Variants in MACROD2 observed in about 807,000 individuals in gnomAD.
MACROD2 encodes the protein mono-ADP ribosylhydrolase 2.
Under a neutral mutation model 70.4 loss-of-function variants are expected in MACROD2, and 36 were observed. The ratio of observed to expected loss-of-function variants is 0.51; its 90% confidence interval spans 0.39 to 0.68. The LOEUF (loss-of-function observed/expected upper bound fraction) is 0.68, where lower values mean the gene tolerates loss of function less well. MACROD2 is among the 30% of genes least tolerant of loss of function. The pLI is 0.00. For missense variants in MACROD2, 496 were observed against 538.4 expected (o/e 0.92, Z 0.78); for synonymous variants, 172 against 178.8 (o/e 0.96, Z 0.30).
Position 16,049,874 on chromosome 20 carries a change from T to A in MACROD2, c.1345T>A (p.Ter449ArgextTer18), listed in dbSNP as rs146842863. 6.3e-7 allele frequency: 1 copy of A among 1,581,782 alleles called. No homozygotes were observed. Among genetic ancestry groups the A allele is most frequent in the Non-Finnish European group, 8.6e-7 (1 of 1,164,278 alleles). ...GAAGGAACAAAGAAATGGAACTAAA[T>A]GACAATCCTCAGCATCGCAAGGCCT... ...EAKEQRNGTK* is the reference protein window; with the variant it reads ...EAKEQRNGTKR The change falls in exon 18 of 18, where the codon TGA becomes AGA. Residue 449 changes from the stop codon to arginine (R), a stop_lost. Coordinates refer to ENST00000684519, the MANE Select transcript of MACROD2 (RefSeq NM_001351661.2).
At chr20:14,580,101 G>A (rs1325256473) in intron 4 of MACROD2, among the ~76,000 whole-genome samples, 1 of 152,082 alleles carries the variant, frequency 6.6e-6, no homozygotes, top group African/African-American at 2.4e-5. Flanking sequence ...GTTGATTAGA[G>A]GTCTTCTTCA....
At chr20:16,020,227 T>C (rs2147550717) in intron 15 of MACROD2, among the ~76,000 whole-genome samples, 1 of 152,206 alleles carries the variant, frequency 6.6e-6, no homozygotes, top group Middle Eastern at 3.4e-3. Context: ...CCAGCCGTCT[T>C]AAACTATTAC....
At chr20:14,578,277 C>T (rs541155672) in intron 4 of MACROD2, among the ~76,000 whole-genome samples, 1 of 151,546 alleles carries the variant, frequency 6.6e-6, no homozygotes, top group African/African-American at 2.4e-5. Context: ...ATTTTAAATG[C>T]CTTTATTTTT....
chr20:14,968,113 A>G (rs1432077616), intron 5 of MACROD2, among the ~76,000 whole-genome samples: 1 of 152,168 alleles, frequency 6.6e-6, no homozygotes, highest in African/African-American at 2.4e-5. Context: ...TTCTTTGTGT[A>G]TAAAGTCTTT....
At chr20:15,241,605 T>C (rs2077060024) in intron 6 of MACROD2, among the ~76,000 whole-genome samples, 1 of 152,098 alleles carries the variant, frequency 6.6e-6, no homozygotes, top group South Asian at 2.1e-4. Flanking sequence ...GATCATGTTT[T>C]ATTGGGCAGT....
At position 14,251,274 on chromosome 20, in the gene MACROD2, A is replaced by T. The variant is rs892693999; in HGVS notation, c.271+165546A>T. Among the ~76,000 whole-genome samples, 4 of 152,260 alleles carry T rather than the reference A, an allele frequency of 2.6e-5. No individual in the cohort carries two copies. In the East Asian group the frequency reaches 7.7e-4, roughly 29 times the overall value. Reference sequence around the variant, plus strand: ...CTCTTTTTCTCTTGGAAAACGTTCGATAAAAGTACTTTAAGAAAGAAACTT... The same window carrying T: ...CTCTTTTTCTCTTGGAAAACGTTCGTTAAAAGTACTTTAAGAAAGAAACTT... On this transcript the variant is annotated intron_variant, in intron 3 of 17. Transcript: ENST00000684519.
In MACROD2 at chr20:15,757,438, A is replaced by G. The variant is rs138638279; in HGVS notation, c.646-105307A>G. Reference sequence around the variant, plus strand: ...AGGATTATTAGCCAGGATGCTGGCAATAATACTGCCCTATATCAAAGGAGA... The same window carrying G: ...AGGATTATTAGCCAGGATGCTGGCAGTAATACTGCCCTATATCAAAGGAGA... On this transcript the variant is annotated intron_variant, in intron 8 of 17. Transcript: ENST00000684519. Among the ~76,000 whole-genome samples, 302 of 152,308 alleles carry G rather than the reference A, an allele frequency of 2.0e-3. 4 individuals carry two copies. In the East Asian group the frequency reaches 0.046, roughly 23 times the overall value.
chr20:14,607,883 A>C (rs1302499952), intron 4 of MACROD2, among the ~76,000 whole-genome samples: 1 of 152,156 alleles, frequency 6.6e-6, no homozygotes, highest in Non-Finnish European at 1.5e-5. Flanking sequence ...CTGGAGAAGA[A>C]AACAAAATAA....
intron 7 of MACROD2, among the ~76,000 whole-genome samples, chr20:15,481,522 AT>A (rs2047097039): frequency 6.6e-6 from 1 of 152,182 alleles, no homozygotes; most frequent in Non-Finnish European, 1.5e-5. Flanking sequence ...CATGTACACA[AT>A]AGAGAGAGAT....
chr20:14,887,091 A>G (rs2073686419), intron 5 of MACROD2, among the ~76,000 whole-genome samples: 1 of 152,172 alleles, frequency 6.6e-6, no homozygotes, highest in Admixed American at 6.5e-5. Context: ...TAGCCATATC[A>G]TAGTATATTT....
chr20:14,945,516 T>C (rs932225169), intron 5 of MACROD2, among the ~76,000 whole-genome samples: 1 of 152,200 alleles, frequency 6.6e-6, no homozygotes, highest in African/African-American at 2.4e-5. Context: ...CCCACTTCAT[T>C]GTATCATCTT....
intron 8 of MACROD2, among the ~76,000 whole-genome samples, chr20:15,729,452 C>T (rs113887118): frequency 1.4e-4 from 21 of 152,144 alleles, no homozygotes; most frequent in African/African-American, 4.6e-4. Flanking sequence ...TAGTTTTTTG[C>T]GTCAGTGATC....
intron 10 of MACROD2, among the ~76,000 whole-genome samples, chr20:15,928,922 CTA>C (rs1386159810): frequency 9.9e-5 from 15 of 152,070 alleles, no homozygotes; most frequent in Non-Finnish European, 2.2e-4. Flanking sequence ...AAATTAAAGA[CTA>C]GATTTTTTTA....
At position 15,948,303 on chromosome 20, in the gene MACROD2, A is replaced by C. The variant is rs565832035; in HGVS notation, c.907+10759A>C. Among the ~76,000 whole-genome samples, 149 of 148,488 alleles carry C rather than the reference A, an allele frequency of 1.0e-3. 5 individuals carry two copies. In the South Asian group the frequency reaches 0.03, roughly 30 times the overall value. On this transcript the variant is annotated intron_variant, in intron 12 of 17. Coordinates refer to ENST00000684519, the MANE Select transcript of MACROD2 (RefSeq NM_001351661.2). Reference sequence around the variant, plus strand: ...CACAGTGGGAGGGACAATGATCGGCATATAAACCCAGGCATTCGAGCCAGC... The same window carrying C: ...CACAGTGGGAGGGACAATGATCGGCCTATAAACCCAGGCATTCGAGCCAGC...
chr20:14,978,881 TAA>T (rs200273910), intron 5 of MACROD2, among the ~76,000 whole-genome samples: 18,779 of 49,816 alleles, frequency 0.38, 1,472 homozygotes, highest in Non-Finnish European at 0.39. Context: ...ATATAATATA[TAA>T]AATATATATA....
chr20:14,546,842 C>A (rs1336415719), intron 4 of MACROD2, among the ~76,000 whole-genome samples: 1 of 152,084 alleles, frequency 6.6e-6, no homozygotes, highest in African/African-American at 2.4e-5. Flanking sequence ...GTGTTTATGG[C>A]AGCAATTACA....
intron 8 of MACROD2, among the ~76,000 whole-genome samples, chr20:15,530,716 CAAAA>C (rs57826871): frequency 2.2e-5 from 2 of 90,586 alleles, no homozygotes. Context: ...CTCCATCTCA[CAAAA>C]AAAAAAAAAA....
intron 3 of MACROD2, among the ~76,000 whole-genome samples, chr20:14,445,965 T>C (rs1465021745): frequency 6.6e-6 from 1 of 152,064 alleles, no homozygotes; most frequent in Non-Finnish European, 1.5e-5. Context: ...TATAGAATAT[T>C]ATTGAGGGAT....
Position 14,680,136 on chromosome 20 carries a change from G to A in MACROD2, c.302-4707G>A, listed in dbSNP as rs1944751559. On this transcript the variant is annotated intron_variant, in intron 4 of 17. Coordinates refer to ENST00000684519, the MANE Select transcript of MACROD2 (RefSeq NM_001351661.2). ...ACTGAATTCAGGATTGTCAGAATAGGAATTAAGGAGGAGATGCCAGAAAGG... is the reference window on the plus strand; with the variant it reads ...ACTGAATTCAGGATTGTCAGAATAGAAATTAAGGAGGAGATGCCAGAAAGG... Among the ~76,000 whole-genome samples the A allele has an allele frequency of 3.3e-5, 5 of 152,252 alleles. 1 individual carries two copies. In the South Asian group the frequency reaches 1.0e-3, roughly 32 times the overall value.
Sources: allele counts gnomAD v4.1 joint callset (sites outside exome capture counted in the v4.1 genomes callset), GRCh38; gene constraint gnomAD v4.1.1; transcripts MANE v1.5; gene names NCBI Gene and HGNC (gene_info 2026-07-23, HGNC 2026-07-21).